Variants in PLBD1 observed in about 807,000 individuals in gnomAD.
The protein encoded by PLBD1 is phospholipase B domain containing 1.
In PLBD1, 60 loss-of-function variants were observed where a neutral mutation model predicts 63.0. That is an observed-to-expected ratio of 0.95 (90% CI 0.77 to 1.18). The LOEUF is 1.18. PLBD1 is among the 50% of genes most tolerant of loss of function. The pLI is 0.00. For synonymous variants in PLBD1, 262 were observed against 248.0 expected (o/e 1.06, Z -0.53); for missense variants, 598 against 677.9 (o/e 0.88, Z 1.31).
chr12:14,531,017 GT>G (rs1333970259), intron 6 of PLBD1: 1 of 152,118 alleles, frequency 6.6e-6, no homozygotes, highest in Non-Finnish European at 1.5e-5. Flanking sequence ...TTGTTTTGTT[GT>G]TGTTTGTTTG....
chr12:14,537,709 G>A (rs1945531339), intron 4 of PLBD1, among the ~76,000 whole-genome samples: 1 of 152,160 alleles, frequency 6.6e-6, no homozygotes, highest in African/African-American at 2.4e-5. Flanking sequence ...TGGGGTAGAG[G>A]TGGTGGGAAG....
intron 6 of PLBD1, among the ~76,000 whole-genome samples, chr12:14,534,743 T>C (rs1481989778): frequency 6.6e-6 from 1 of 152,116 alleles, no homozygotes; most frequent in African/African-American, 2.4e-5. Context: ...CAGGGTTCAC[T>C]GTGTTAGCCA....
intron 2 of PLBD1, among the ~76,000 whole-genome samples, chr12:14,544,867 C>A (rs369069756): frequency 6.6e-6 from 1 of 152,010 alleles, no homozygotes; most frequent in East Asian, 1.9e-4. Context: ...CTTAAAGCAC[C>A]CTATGCAAAT....
chr12:14,564,556 C>T (rs1329200656), intron 1 of PLBD1, among the ~76,000 whole-genome samples: 1 of 152,236 alleles, frequency 6.6e-6, no homozygotes, highest in African/African-American at 2.4e-5. Context: ...GGTTTGATTA[C>T]AGTGAGAAAG....
intron 4 of PLBD1, among the ~76,000 whole-genome samples, chr12:14,540,019 TATATATA>T (rs1565577535): frequency 0.29 from 25,135 of 87,460 alleles, 4,931 homozygotes; most frequent in Non-Finnish European, 0.36. Flanking sequence ...TGCACATATA[TATATATA>T]TATATATATA....
At chr12:14,542,080 T>C in intron 3 of PLBD1, 128 bp downstream of exon 3, 2 of 700,860 alleles carry the variant, frequency 2.9e-6, no homozygotes, top group Middle Eastern at 3.1e-4. Flanking sequence ...TATACCCTAC[T>C]ACAAGAATAA....
At chr12:14,535,591 C>T in intron 6 of PLBD1, 68 bp downstream of exon 6, 1 of 1,536,894 alleles carries the variant, frequency 6.5e-7, no homozygotes, top group Admixed American at 1.8e-5. Context: ...GCAGTTAACA[C>T]TGAATCACTA....
At chr12:14,535,905 G>A (rs1330373418) in intron 5 of PLBD1, 102 bp from the exon 6 acceptor site, 34 of 1,242,664 alleles carry the variant, frequency 2.7e-5, no homozygotes, top group East Asian at 4.7e-5. Flanking sequence ...TTTCAGGTAA[G>A]TGTTTATTGC....
rs1170882912 is a variant in PLBD1, at chr12:14,567,615, A to ACAGCGG, written c.76_81dup (p.Pro26_Leu27dup). On this transcript the variant is annotated inframe_insertion, in exon 1 of 11. Transcript: ENST00000240617. Reference sequence around the variant, plus strand: ...TTCGGCGGCTCCGCGGTGACTAACAACAGCGGCAGCAGCAGCAGCAGCAGC... The same window carrying ACAGCGG: ...TTCGGCGGCTCCGCGGTGACTAACAACAGCGGCAGCGGCAGCAGCAGCAGCAGCAGC... 3 of 1,470,350 alleles carry ACAGCGG rather than the reference A, an allele frequency of 2.0e-6. No homozygotes were observed. The African/African-American group carries it at 4.9e-5, about 24-fold the overall frequency. The allele number at this position is 1,470,350 out of a possible 1,614,324, so 91.1% of individuals were successfully genotyped here. A position where few individuals can be genotyped will look rare whatever the true frequency, so the allele number is the denominator to read the frequency against.
At chr12:14,518,768 A>G (rs1483327421) in intron 6 of PLBD1, among the ~76,000 whole-genome samples, 1 of 152,192 alleles carries the variant, frequency 6.6e-6, no homozygotes, top group Non-Finnish European at 1.5e-5. Context: ...ATCCTGGGAC[A>G]CAGACATGAA....
rs1047291776 is a variant in PLBD1 at position 14,556,970 on chromosome 12, CAA to C, written c.116-3560_116-3559del. ...TTTGCACTTCAGCCTGGGCAACAAA[CAA>C]GAGCGGAATTCCCTCTCAAAAAAAA... On this transcript the variant is annotated intron_variant, in intron 1 of 10. Transcript: ENST00000240617. Among the ~76,000 whole-genome samples, 49 of 76,108 alleles carry C rather than the reference CAA, an allele frequency of 6.4e-4. No homozygotes were observed. In the East Asian group the frequency reaches 0.015, roughly 23 times the overall value. 49.9% of individuals were successfully genotyped at this position (76,108 alleles called of 152,430 possible).
At chr12:14,543,545 C>T (rs1209399451) in intron 2 of PLBD1, among the ~76,000 whole-genome samples, 5 of 152,092 alleles carry the variant, frequency 3.3e-5, no homozygotes, top group African/African-American at 7.2e-5. Context: ...GGTGAAACCC[C>T]GTCTCTACTA....
rs775116197 is a variant in PLBD1 at position 14,540,771 on chromosome 12, C to T, written c.551G>A (p.Gly184Glu). 6.3e-6 allele frequency: 10 copies of T among 1,588,158 alleles called. No individual in the cohort carries two copies. Among genetic ancestry groups the T allele is most frequent in the African/African-American group, 5.4e-5 (4 of 74,590 alleles). The change falls in exon 4 of 11, where the codon GGG becomes GAG. Residue 184 changes from glycine to glutamate, a missense_variant. Transcript: ENST00000240617. ...GCTTGTTTAAAGTCCTACCTTTGTC[C>T]CTTCTAATATAGCCCTCTTCTTTGC... The part of the protein sequence containing the change: ...VGAKKRAILE[G>E]TKPMTLFQIQ...
At chr12:14,506,044 C>G (rs1274121267) in intron 10 of PLBD1, 118 bp downstream of exon 10, 1 of 621,660 alleles carries the variant, frequency 1.6e-6, no homozygotes, top group Admixed American at 3.4e-5. Flanking sequence ...AAAGCTGATT[C>G]CTGGGTTGAG....
At chr12:14,532,065 C>T (rs1945468649) in intron 6 of PLBD1, among the ~76,000 whole-genome samples, 1 of 152,188 alleles carries the variant, frequency 6.6e-6, no homozygotes, top group Admixed American at 6.5e-5. Flanking sequence ...TGAGTCAAAT[C>T]TCTTTTCATG....
Position 14,553,388 on chromosome 12 carries a change from C to A in PLBD1, c.140G>T (p.Trp47Leu). 6.2e-7 allele frequency: 1 copy of A among 1,614,140 alleles called. No individual in the cohort carries two copies. The highest frequency in any genetic ancestry group is 8.5e-7 in the Non-Finnish European group (1 of 1,180,010). ...TTGTACTGTCTTTTCAGCAGGCATCCAGTATGCAGTTGCATAGTAGACTCC... is the reference window on the plus strand; with the variant it reads ...TTGTACTGTCTTTTCAGCAGGCATCAAGTATGCAGTTGCATAGTAGACTCC... ...PAGVYYATAY[W>L]MPAEKTVQVK... The change falls in exon 2 of 11, where the codon TGG becomes TTG. Residue 47 changes from tryptophan to leucine, a missense_variant. Physicochemically the swap from Trp to Leu is moderately conservative, Grantham distance 61 (BLOSUM62 -2). Coordinates refer to ENST00000240617, the MANE Select transcript of PLBD1 (RefSeq NM_024829.6).
Position 14,535,768 on chromosome 12 carries a change from G to C in PLBD1, c.735C>G (p.His245Gln). Residue 245 changes from histidine (H) to glutamine (Q), a missense_variant, in exon 6 of 11, where the codon CAC becomes CAG. By Grantham distance (24) the His-to-Gln change is conservative. Transcript: ENST00000240617. ...LPGFENILFA[H>Q]SSWYTYAAML... ...TGGCTGCATACGTGTACCAGCTTGA[G>C]TGAGCAAAAAGGATGTTCTCAAATC... 6.2e-7 allele frequency: 1 copy of C among 1,613,810 alleles called. No individual in the cohort carries two copies. Among genetic ancestry groups the C allele is most frequent in the Non-Finnish European group, 8.5e-7 (1 of 1,179,894 alleles).
intron 1 of PLBD1, among the ~76,000 whole-genome samples, chr12:14,556,159 G>A (rs374109621): frequency 1.4e-4 from 22 of 152,304 alleles, no homozygotes; most frequent in South Asian, 2.1e-4. Context: ...GTGGGAGGAC[G>A]CCAGAATGAC....
At chr12:14,537,003 C>T (rs1037852101) in intron 4 of PLBD1, among the ~76,000 whole-genome samples, 4 of 150,120 alleles carry the variant, frequency 2.7e-5, no homozygotes, top group Middle Eastern at 3.4e-3. Flanking sequence ...GCAGGAGAAT[C>T]GCTTGAACCC....
Sources: allele counts gnomAD v4.1 joint callset (sites outside exome capture counted in the v4.1 genomes callset), GRCh38; gene constraint gnomAD v4.1.1; transcripts MANE v1.5; gene names NCBI Gene and HGNC (gene_info 2026-07-23, HGNC 2026-07-21).